ITIH1: variants seen among roughly 807,000 people sequenced by gnomAD.
The protein encoded by ITIH1 is inter-alpha-trypsin inhibitor heavy chain H1.
In ITIH1, 94 loss-of-function variants were observed where a neutral mutation model predicts 104.6. The ratio of observed to expected loss-of-function variants is 0.90; its 90% confidence interval spans 0.76 to 1.07. ITIH1 has a LOEUF of 1.07. Among genes scored for constraint, ITIH1 ranks in the 50% least tolerant of loss-of-function variants. The pLI, the probability that ITIH1 is intolerant of heterozygous loss-of-function variation, is 0.00. For missense variants in ITIH1, 1,193 were observed against 1,181.4 expected (o/e 1.01, Z -0.14); for synonymous variants, 455 against 464.4 (o/e 0.98, Z 0.26).
At chr3:52,786,884 A>G in intron 13 of ITIH1, 61 bp from the exon 14 acceptor site, 1 of 1,492,376 alleles carries the variant, frequency 6.7e-7, no homozygotes, top group Non-Finnish European at 9.1e-7. Flanking sequence ...GTGAATGGAT[A>G]GGTGAAAGGA....
At chr3:52,778,216 G>A (rs915005186) in intron 2 of ITIH1, 124 bp from the exon 3 acceptor site, 17 of 1,142,996 alleles carry the variant, frequency 1.5e-5, no homozygotes, top group South Asian at 6.7e-5. Context: ...GTCTTCCTGC[G>A]GTCTGTTCTT....
At chr3:52,788,687 A>G (rs1699269671) in intron 18 of ITIH1, among the ~76,000 whole-genome samples, 1 of 151,978 alleles carries the variant, frequency 6.6e-6, no homozygotes, top group Non-Finnish European at 1.5e-5. Context: ...CAGCCTCCCA[A>G]GTAGCTGGGA....
intron 19 of ITIH1, 29 bp from the exon 20 acceptor site, chr3:52,790,720 C>T: frequency 6.2e-7 from 1 of 1,605,026 alleles, no homozygotes; most frequent in Non-Finnish European, 8.5e-7. Flanking sequence ...TGCAGCCGCA[C>T]CTGCCCTCTC....
In ITIH1 at chr3:52,782,977, A is replaced by T. The variant is rs1699101396; in HGVS notation, c.951A>T (p.Lys317Asn). The T allele has an allele frequency of 2.5e-6, 4 of 1,613,818 alleles. No individual in the cohort carries two copies. The highest frequency in any genetic ancestry group is 3.4e-6 in the Non-Finnish European group (4 of 1,179,958). Residue 317 changes from lysine to asparagine, a missense_variant, in exon 9 of 22, where the codon AAA (lysine) becomes AAT (asparagine). Physicochemically the swap from Lys to Asn is moderately conservative, Grantham distance 94. Transcript: ENST00000273283. ...TGCAGACCAAGGAGGCACTCCTTAA[A>T]ATTCTGGGGGACATGCAGCCAGGGG... ...KVKQTKEALL[K>N]ILGDMQPGDY...
At chr3:52,791,015 C>A in intron 20 of ITIH1, 94 bp downstream of exon 20, 1 of 1,333,422 alleles carries the variant, frequency 7.5e-7, no homozygotes, top group Non-Finnish European at 1.0e-6. Flanking sequence ...TATAGCTGGG[C>A]ACCAGGACAG....
At chr3:52,778,556 A>C in intron 3 of ITIH1, 50 bp downstream of exon 3, 1 of 1,607,562 alleles carries the variant, frequency 6.2e-7, no homozygotes. Flanking sequence ...GCCGCTTACT[A>C]GTCCCAGCTT....
chr3:52,786,864 G>C (rs1457851137), intron 13 of ITIH1, 81 bp from the exon 14 acceptor site: 2 of 1,419,538 alleles, frequency 1.4e-6, no homozygotes, highest in Non-Finnish European at 1.9e-6. Flanking sequence ...ATGAATGAAT[G>C]AATGAATAAG....
chr3:52,781,202 TTTTTTTTTC>T lies in ITIH1; in HGVS notation c.688-735_688-727del, dbSNP rs1699026855. Among the ~76,000 whole-genome samples the T allele has an allele frequency of 7.6e-5, 4 of 52,970 alleles. 1 individual carries two copies. The highest frequency in any genetic ancestry group is 3.5e-4 in the African/African-American group (4 of 11,310). The allele number at this position is 52,970 out of a possible 152,430, so 34.8% of individuals were successfully genotyped here. On this transcript the variant is annotated intron_variant, in intron 6 of 21. Transcript: ENST00000273283. ...CTCCTTCACCTCCTCCTCTTCTTTTTTTTTTTTTCTTCTTCTTCTTCTTCTTCTTCTTCT... is the reference window on the plus strand; with the variant it reads ...CTCCTTCACCTCCTCCTCTTCTTTTTTTCTTCTTCTTCTTCTTCTTCTTCT...
At chr3:52,784,871 T>C (rs2154108475) in intron 11 of ITIH1, among the ~76,000 whole-genome samples, 173 bp from the exon 12 acceptor site, 1 of 126,156 alleles carries the variant, frequency 7.9e-6, no homozygotes, top group Admixed American at 8.7e-5. Context: ...TGAGACTCTG[T>C]CTCAGAAAAA....
Position 52,787,110 on chromosome 3 carries a change from C to A in ITIH1, c.1888+11C>A. 6.2e-7 allele frequency: 1 copy of A among 1,614,220 alleles called. No individual in the cohort carries two copies. Among genetic ancestry groups the A allele is most frequent in the South Asian group, 1.1e-5 (1 of 91,084 alleles). On this transcript the variant is annotated intron_variant, in intron 14 of 21. Transcript: ENST00000273283. ...ACAAGCCCTCAGAGGGTATAGGCTG[C>A]AGGGGTCTACAGAAGGGAGAGGCCA...
Position 52,779,114 on chromosome 3 carries a change from G to A in ITIH1, c.410+68G>A. ...CCCAGCCAGGACAGGTCTGATGGCT[G>A]CAAGGTGGCTTTAGTGGAGAACAGC... On this transcript the variant is annotated intron_variant, in intron 4 of 21. Transcript: ENST00000273283. This position sits in a 1 kb window ranked among gnomAD's most constrained non-coding sequence, Gnocchi z 4.4. 2 of 1,149,338 alleles carry A rather than the reference G, an allele frequency of 1.7e-6. No individual in the cohort carries two copies. Among genetic ancestry groups the A allele is most frequent in the Non-Finnish European group, 2.6e-6 (2 of 758,090 alleles). 71.2% of individuals were successfully genotyped at this position (1,149,338 alleles called of 1,614,324 possible).
In ITIH1 at chr3:52,780,323, T is replaced by C. The variant is rs1158635604; in HGVS notation, c.628T>C (p.Ser210Pro). 6.2e-7 allele frequency: 1 copy of C among 1,614,174 alleles called. No homozygotes were observed. The highest frequency in any genetic ancestry group is 1.1e-5 in the South Asian group (1 of 91,072). ...QGISKLDAQA[S>P]FLPKELAAQT... ...GATCAGCAAGCTGGATGCCCAGGCC[T>C]CTTTCCTGCCGAAGGAACTGGCAGC... The change falls in exon 6 of 22, where the codon TCT becomes CCT. Residue 210 changes from serine (S) to proline (P), a missense_variant. By Grantham distance (74) the Ser-to-Pro change is moderately conservative (BLOSUM62 -1). Transcript: ENST00000273283.
At chr3:52,790,595 A>G in intron 19 of ITIH1, 154 bp from the exon 20 acceptor site, 1 of 714,922 alleles carries the variant, frequency 1.4e-6, no homozygotes, top group African/African-American at 1.8e-5. Flanking sequence ...ACATGTGGGG[A>G]GGGGCGTGGA....
Position 52,778,994 on chromosome 3 carries a change from T to C in ITIH1, c.358T>C (p.Trp120Arg), listed in dbSNP as rs749617803. 26 of 1,614,024 alleles carry C rather than the reference T, an allele frequency of 1.6e-5. No homozygotes were observed. Among genetic ancestry groups the C allele is most frequent in the South Asian group, 5.5e-5 (5 of 91,088 alleles). The change falls in exon 4 of 22, where the codon TGG becomes CGG. Residue 120 changes from tryptophan (W) to arginine (R), a missense_variant. Trp to Arg is a moderately radical substitution (Grantham distance 101). Coordinates refer to ENST00000273283, the MANE Select transcript of ITIH1 (RefSeq NM_002215.4). ...AGACATAAAGGACAAGGTGACTGCA[T>C]GGAAGCAGTACCGGAAAGCAGCTAT... ...IGDIKDKVTAWKQYRKAAISG... is the reference protein window; with the variant it reads ...IGDIKDKVTARKQYRKAAISG...
In ITIH1 at chr3:52,785,186, A is replaced by G. The variant is rs141556588; in HGVS notation, c.1550A>G (p.Asp517Gly). Residue 517 changes from aspartate to glycine, a missense_variant, in exon 12 of 22, where the codon GAC (aspartate) becomes GGC (glycine). By Grantham distance (94) the Asp-to-Gly change is moderately conservative (BLOSUM62 -1). Transcript: ENST00000273283. Reference protein sequence around the residue: ...SEIVVAGRIADNKQSSFKADV... With the variant: ...SEIVVAGRIAGNKQSSFKADV... ...ATTGTGGTGGCCGGGCGCATTGCTG[A>G]CAACAAACAGAGCAGCTTCAAGGCT... The G allele has an allele frequency of 3.1e-5, 50 of 1,614,008 alleles. No homozygotes were observed. Among genetic ancestry groups the G allele is most frequent in the Non-Finnish European group, 3.6e-5 (43 of 1,180,002 alleles).
intron 18 of ITIH1, 36 bp from the exon 19 acceptor site, chr3:52,789,617 C>G: frequency 1.9e-6 from 3 of 1,596,872 alleles, no homozygotes; most frequent in Non-Finnish European, 2.6e-6. Flanking sequence ...CAGGCAGGCC[C>G]CTTCCCAACC....
At position 52,782,062 on chromosome 3, in the gene ITIH1, C is replaced by G; in HGVS notation, c.810C>G (p.Leu270=). The G allele has an allele frequency of 6.2e-7, 1 of 1,614,164 alleles. No homozygotes were observed. The part of the protein sequence containing the change: ...YDVSRDKICD[L]LVANNHFAHF... ...TCAGTCGAGACAAGATCTGCGACCTCCTGGTGAGCCCTGAGCTTCTGGCTC... is the reference window on the plus strand; with the variant it reads ...TCAGTCGAGACAAGATCTGCGACCTGCTGGTGAGCCCTGAGCTTCTGGCTC... The change falls in exon 7 of 22, where the codon CTC becomes CTG. Residue 270 remains leucine, a synonymous_variant. Transcript: ENST00000273283.
At position 52,778,327 on chromosome 3, in the gene ITIH1, T is replaced by C. The variant is rs1355161886; in HGVS notation, c.139-13T>C. 1 of 1,613,862 alleles carries C rather than the reference T, an allele frequency of 6.2e-7. No homozygotes were observed. The highest frequency in any genetic ancestry group is 1.3e-5 in the African/African-American group (1 of 74,940). ...CCTGTCTCAGGCCACAGCTCCTTCA[T>C]GTCTCACTTTAGGCTGTCGATGGCG... On this transcript the variant is annotated splice_polypyrimidine_tract_variant and intron_variant, in intron 2 of 21. Coordinates refer to ENST00000273283, the MANE Select transcript of ITIH1 (RefSeq NM_002215.4).
rs1426203766 is a variant in ITIH1 at position 52,791,604 on chromosome 3, G to A, written c.2582G>A (p.Arg861Lys). The change falls in exon 21 of 22, where the codon AGG becomes AAG. Residue 861 changes from arginine to lysine, a missense_variant. Coordinates refer to ENST00000273283, the MANE Select transcript of ITIH1 (RefSeq NM_002215.4). ...PTKPDATMVV[R>K]NRRLTVTRGL... ...AAGCCAGATGCCACGATGGTGGTGA[G>A]GAACCGCCGGCTCACGGTCACCAGG... is the stretch of plus-strand genomic sequence containing the variant. 6.2e-7 allele frequency: 1 copy of A among 1,614,038 alleles called. No individual in the cohort carries two copies. Among genetic ancestry groups the A allele is most frequent in the East Asian group, 2.2e-5 (1 of 44,882 alleles).
Sources: allele counts gnomAD v4.1 joint callset (sites outside exome capture counted in the v4.1 genomes callset), GRCh38; gene constraint gnomAD v4.1.1; non-coding constraint Gnocchi (gnomAD v3.1); transcripts MANE v1.5; gene names NCBI Gene and HGNC (gene_info 2026-07-23, HGNC 2026-07-21).